The following LPP variants were observed in gnomAD, a reference collection of about 807,000 sequenced individuals.
LPP encodes LIM domain containing preferred translocation partner in lipoma.
LPP carries 38 observed loss-of-function variants against 60.4 expected under a neutral mutation model. The ratio of observed to expected loss-of-function variants is 0.63; its 90% CI spans 0.49 to 0.83. The LOEUF is 0.83. LPP is among the 40% of genes least tolerant of loss of function. The pLI is 0.00. For synonymous variants in LPP, 328 were observed against 290.8 expected, an observed-to-expected ratio of 1.13 and a Z score of -1.30; for missense variants, 902 against 783.6, an observed-to-expected ratio of 1.15 and a Z score of -1.80.
rs139298916 is a variant in LPP at position 188,615,893 on chromosome 3, G to A, written c.1113+6049G>A. Among the ~76,000 whole-genome samples, 1,123 of 152,118 alleles carry A rather than the reference G, an allele frequency of 7.4e-3. 13 individuals are homozygous for A. The highest frequency in any genetic ancestry group is 0.025 in the African/African-American group (1,053 of 41,500). On this transcript the variant is annotated intron_variant, in intron 7 of 11. Transcript: ENST00000617246. ...ACCGCATAAATGTCTTATTTTGGGA[G>A]GTGGCTGCTCATACCCTTTGTCCAC...
chr3:188,192,219 G>T (rs1371346646), intron 1 of LPP, among the ~76,000 whole-genome samples: 1 of 152,212 alleles, frequency 6.6e-6, no homozygotes, highest in East Asian at 1.9e-4. Context: ...CATGGGGTTG[G>T]TGATGCTTGA....
chr3:188,828,890 T>C (rs551006732), intron 9 of LPP, among the ~76,000 whole-genome samples: 7 of 152,284 alleles, frequency 4.6e-5, no homozygotes, highest in African/African-American at 1.7e-4. Flanking sequence ...GTATGTAATA[T>C]ATAGTGTGAA....
chr3:188,759,623 A>G (rs1181741379), intron 8 of LPP: 1 of 156,294 alleles, frequency 6.4e-6, no homozygotes, highest in Non-Finnish European at 1.4e-5. Context: ...CTGGCTGCAG[A>G]GGTTTTACAA....
chr3:188,441,936 C>T (rs1056276644), intron 4 of LPP, among the ~76,000 whole-genome samples: 2 of 152,010 alleles, frequency 1.3e-5, no homozygotes, highest in Non-Finnish European at 2.9e-5. Context: ...ATACTCATTA[C>T]AGTTTCTAAT....
intron 2 of LPP, among the ~76,000 whole-genome samples, chr3:188,253,821 C>A (rs929957451): frequency 4.6e-5 from 7 of 152,146 alleles, no homozygotes; most frequent in African/African-American, 1.7e-4. Context: ...GCCCCTTCTT[C>A]CCCAAATAAA....
intron 6 of LPP, among the ~76,000 whole-genome samples, chr3:188,594,649 T>C (rs1462379195): frequency 6.6e-6 from 1 of 152,200 alleles, no homozygotes; most frequent in East Asian, 1.9e-4. Context: ...GTCTAAATTT[T>C]GAGCCAACTA....
At chr3:188,603,280 G>T (rs566045249) in intron 6 of LPP, among the ~76,000 whole-genome samples, 35 of 151,008 alleles carry the variant, frequency 2.3e-4, no homozygotes, top group Non-Finnish European at 4.9e-4. Context: ...AGATTTTCCA[G>T]TGTCTACATT....
chr3:188,402,539 G>A (rs1782497981), intron 3 of LPP, among the ~76,000 whole-genome samples: 1 of 152,160 alleles, frequency 6.6e-6, no homozygotes, highest in Non-Finnish European at 1.5e-5. Context: ...TCAATATCTG[G>A]AAATCTATCA....
rs559461442 is a variant in LPP at position 188,641,795 on chromosome 3, A to C, written c.1113+31951A>C. On this transcript the variant is annotated intron_variant, in intron 7 of 11. Coordinates refer to ENST00000617246, the MANE Select transcript of LPP (RefSeq NM_001375462.1). ...CGGATGGACCAAGTATAGACACAAC[A>C]CTTCTGTTAATTCACATGGGGACTA... 1.2e-4 allele frequency among the ~76,000 whole-genome samples: 19 copies of C among 152,194 alleles called. No homozygotes were observed. The South Asian group carries it at 3.5e-3, about 28-fold the overall frequency.
intron 9 of LPP, among the ~76,000 whole-genome samples, chr3:188,848,695 C>T (rs1762041704): frequency 6.6e-6 from 1 of 152,160 alleles, no homozygotes; most frequent in Non-Finnish European, 1.5e-5. Flanking sequence ...AGGATGGATG[C>T]AGTGGCTCAC....
chr3:188,390,477 C>A (rs979423997), intron 3 of LPP, among the ~76,000 whole-genome samples: 3 of 151,634 alleles, frequency 2.0e-5, no homozygotes, highest in Non-Finnish European at 4.4e-5. Flanking sequence ...GCATAAACAC[C>A]CATGGGATAA....
chr3:188,421,392 C>T (rs1245395005), intron 4 of LPP, among the ~76,000 whole-genome samples: 1 of 152,070 alleles, frequency 6.6e-6, no homozygotes, highest in Admixed American at 6.6e-5. Flanking sequence ...AAATTGCAAA[C>T]ATCTGGCAAT....
chr3:188,795,805 A>G (rs1288792334), intron 9 of LPP, among the ~76,000 whole-genome samples: 4 of 152,174 alleles, frequency 2.6e-5, no homozygotes, highest in Non-Finnish European at 5.9e-5. Flanking sequence ...AGTATATAAA[A>G]TTCATTTTCC....
chr3:188,863,339 C>T (rs1458739458), intron 9 of LPP, among the ~76,000 whole-genome samples: 1 of 152,152 alleles, frequency 6.6e-6, no homozygotes, highest in African/African-American at 2.4e-5. Context: ...AGCAACTTTC[C>T]TTTTTCATGG....
chr3:188,859,738 CAA>C (rs1764730641), intron 9 of LPP, among the ~76,000 whole-genome samples: 1 of 151,988 alleles, frequency 6.6e-6, no homozygotes, highest in Admixed American at 6.6e-5. Context: ...AAAAGATTAA[CAA>C]AAAAAGTTGA....
Position 188,883,207 on chromosome 3 carries a change from G to T in LPP, c.*8728G>T, listed in dbSNP as rs868420509. On this transcript the variant is annotated 3_prime_UTR_variant, in exon 12 of 12. Transcript: ENST00000617246. ...TTTTCCTTCCATATATATTTGTTTT[G>T]TTTTGGGCATTGCATTACTTTTTTG... The T allele has an allele frequency of 8.3e-5, 18 of 217,686 alleles. No individual in the cohort carries two copies. The Middle Eastern group carries it at 5.8e-3, about 70-fold the overall frequency. The allele number at this position is 217,686 out of a possible 1,614,324, so 13.5% of individuals were successfully genotyped here.
chr3:188,854,836 T>A (rs1339499527), intron 9 of LPP, among the ~76,000 whole-genome samples: 1 of 152,148 alleles, frequency 6.6e-6, no homozygotes, highest in Non-Finnish European at 1.5e-5. Flanking sequence ...GCCAGGTAGA[T>A]AATAAACATC....
chr3:188,846,311 C>T (rs965801884), intron 9 of LPP, among the ~76,000 whole-genome samples: 1 of 152,120 alleles, frequency 6.6e-6, no homozygotes, highest in African/African-American at 2.4e-5. Flanking sequence ...CACACATGAT[C>T]GGAGACTTTA....
chr3:188,547,911 A>T (rs1827093000), intron 6 of LPP, among the ~76,000 whole-genome samples: 1 of 152,290 alleles, frequency 6.6e-6, no homozygotes, highest in South Asian at 2.1e-4. Context: ...CACTCCAGAA[A>T]CGGCCCTGAG....
Sources: gnomAD v4.1 joint callset for allele counts (sites outside exome capture counted in the v4.1 genomes callset) on GRCh38, gnomAD v4.1.1 for gene constraint, MANE v1.5 for transcripts, NCBI Gene and HGNC (gene_info 2026-07-23, HGNC 2026-07-21) for gene names.